The following TNXB variants were observed in gnomAD, a reference collection of about 807,000 sequenced individuals.
TNXB encodes tenascin-X.
Under a neutral mutation model 340.5 loss-of-function variants are expected in TNXB, and 183 were observed. The observed-to-expected ratio is 0.54, with a 90% CI of 0.48 to 0.61. The LOEUF (loss-of-function observed/expected upper bound fraction) is 0.61. TNXB is among the 20% of genes least tolerant of loss of function. The pLI, the probability that TNXB is intolerant of heterozygous loss-of-function variation, is 0.00. For synonymous variants in TNXB, 2,121 were observed against 2,314.5 expected (o/e 0.92, Z 2.40); for missense variants, 4,613 against 5,446.4 (o/e 0.85, Z 4.82).
intron 23 of TNXB, 24 bp from the exon 24 acceptor site, chr6:32,056,198 G>A (rs751995005): frequency 1.3e-6 from 2 of 1,599,780 alleles, no homozygotes; most frequent in East Asian, 4.5e-5. Flanking sequence ...ATATAGAGAG[G>A]ATGCCAGGTG....
intron 11 of TNXB, among the ~76,000 whole-genome samples, chr6:32,078,815 C>A (rs1433926232): frequency 6.6e-6 from 1 of 152,208 alleles, no homozygotes; most frequent in Non-Finnish European, 1.5e-5. Context: ...GTAGGTGTCC[C>A]CATTTTACGG....
At chr6:32,063,992 A>G (rs548067503) in intron 19 of TNXB, among the ~76,000 whole-genome samples, 1 of 152,322 alleles carries the variant, frequency 6.6e-6, no homozygotes, top group South Asian at 2.1e-4. Flanking sequence ...TAGAGAACAC[A>G]TACAATTTTT....
chr6:32,064,980 A>C lies in TNXB; in HGVS notation c.6682T>G (p.Phe2228Val). Residue 2228 changes from phenylalanine to valine, a missense_variant, in exon 19 of 44, where the codon TTT becomes GTT. Phe to Val is a conservative substitution (Grantham distance 50). Transcript: ENST00000644971. The surrounding 1 kb of genome is among the most constrained non-coding windows in gnomAD (Gnocchi z 5.3). Reference protein sequence around the residue: ...EGQFDHFLVQFKNGDGQPKAV... With the variant: ...EGQFDHFLVQVKNGDGQPKAV... ...TTGGGCTGCCCGTCCCCATTCTTAA[A>C]CTGGACCAAGAAATGGTCAAACTGG... The C allele has an allele frequency of 3.1e-6, 5 of 1,612,654 alleles. No individual in the cohort carries two copies. The highest frequency in any genetic ancestry group is 4.2e-6 in the Non-Finnish European group (5 of 1,179,758).
rs1777338447 is a variant in TNXB, at chr6:32,052,455, A to G, written c.9115+215T>C. Among the ~76,000 whole-genome samples, 1 of 152,074 alleles carries G rather than the reference A, an allele frequency of 6.6e-6. No individual in the cohort carries two copies. Among genetic ancestry groups the G allele is most frequent in the Admixed American group, 6.6e-5 (1 of 15,266 alleles). ...GACAAAGCGAGACTCTATCTCAAAA[A>G]AAAAAAAAAGAAAGAAAGAAAAAGA... On this transcript the variant is annotated intron_variant, in intron 26 of 43. Transcript: ENST00000644971. The surrounding 1 kb of genome is among the most constrained non-coding windows in gnomAD (Gnocchi z 4.7).
chr6:32,088,843 A>G lies in TNXB; in HGVS notation c.2721T>C (p.Thr907=), dbSNP rs1276675825. Residue 907 remains threonine, a synonymous_variant, in exon 6 of 44, where the codon ACT becomes ACC. Transcript: ENST00000644971. ...DLMPGVEYVV[T]VTAERGRAVS... is the part of the protein sequence containing the mutation. ...CTGCCCGGCCCCGCTCCGCTGTGAC[A>G]GTCACCACATATTCTACGCCTGGCA... 2.5e-6 allele frequency: 4 copies of G among 1,584,050 alleles called. No individual in the cohort carries two copies. Among genetic ancestry groups the G allele is most frequent in the African/African-American group, 1.3e-5 (1 of 74,402 alleles).
At chr6:32,076,866 C>T (rs1779108468) in intron 11 of TNXB, among the ~76,000 whole-genome samples, 1 of 151,994 alleles carries the variant, frequency 6.6e-6, no homozygotes, top group Non-Finnish European at 1.5e-5. Context: ...CCTGTAATCC[C>T]AGCTACTTGG....
At position 32,069,216 on chromosome 6, in the gene TNXB, G is replaced by A. The variant is rs1333731882; in HGVS notation, c.5588-80C>T. The stretch of plus-strand genomic sequence containing the variant: ...TCTCAGGAGGAGTGAGGGAGGAGAG[G>A]GAGTGAGGGCAAGCAGTCAGCAATC... On this transcript the variant is annotated intron_variant, in intron 15 of 43. Transcript: ENST00000644971. The surrounding 1 kb of genome is among the most constrained non-coding windows in gnomAD (Gnocchi z 6.2). 1 of 1,396,406 alleles carries A rather than the reference G, an allele frequency of 7.2e-7. No homozygotes were observed. The highest frequency in any genetic ancestry group is 2.4e-5 in the East Asian group (1 of 41,584). 86.5% of individuals were successfully genotyped at this position (1,396,406 alleles called of 1,614,324 possible). A position where few individuals can be genotyped will look rare whatever the true frequency, so the allele number is the denominator to read the frequency against.
Position 32,047,130 on chromosome 6 carries a change from G to A in TNXB, c.10324+604C>T, listed in dbSNP as rs776786594. ...GATCTGTACCCCGTCCCCACAGTGAGGGTTTGGGAAGAGAATTACGGAGTC... is the reference window on the plus strand; with the variant it reads ...GATCTGTACCCCGTCCCCACAGTGAAGGTTTGGGAAGAGAATTACGGAGTC... On this transcript the variant is annotated intron_variant, in intron 30 of 43. Transcript: ENST00000644971. This position sits in a 1 kb window ranked among gnomAD's most constrained non-coding sequence, Gnocchi z 6.2. Among the ~76,000 whole-genome samples the A allele has an allele frequency of 1.3e-5, 2 of 152,346 alleles. No individual in the cohort carries two copies. Among genetic ancestry groups the A allele is most frequent in the Admixed American group, 1.3e-4 (2 of 15,308 alleles).
intron 4 of TNXB, among the ~76,000 whole-genome samples, chr6:32,091,189 C>T (rs1333497165): frequency 7.2e-5 from 11 of 152,284 alleles, no homozygotes; most frequent in African/African-American, 2.6e-4. Context: ...CAGCTCATCG[C>T]GAGCTCCGCC....
At position 32,098,128 on chromosome 6, in the gene TNXB, C is replaced by T. The variant is rs1421166281; in HGVS notation, c.71G>A (p.Gly24Asp). The part of the protein sequence containing the change: ...LLVLLSTARA[G>D]PFSSRSNVTL... ...CACATTGGACCGTGAAGAGAAGGGG[C>T]CTGCTCTGGCTGTGCTCAGCAGCAC... The change falls in exon 2 of 44, where the codon GGC (glycine) becomes GAC (aspartate). Residue 24 changes from glycine (G) to aspartate (D), a missense_variant. Gly to Asp is a moderately conservative substitution (Grantham distance 94, BLOSUM62 -1). Around this residue, in one of 7 missense-constraint regions of TNXB, gnomAD observed 4,327 missense variants for 4,859.4 expected, o/e 0.89. Coordinates refer to ENST00000644971, the MANE Select transcript of TNXB (RefSeq NM_001365276.2). 1 of 1,592,736 alleles carries T rather than the reference C, an allele frequency of 6.3e-7. No individual in the cohort carries two copies. Among genetic ancestry groups the T allele is most frequent in the Non-Finnish European group, 8.6e-7 (1 of 1,167,578 alleles).
chr6:32,088,473 G>A (rs1008654455), intron 6 of TNXB, among the ~76,000 whole-genome samples: 2 of 152,086 alleles, frequency 1.3e-5, no homozygotes, highest in Admixed American at 6.5e-5. Flanking sequence ...GGCCTGTCCC[G>A]GTACCTAAAT....
At chr6:32,092,471 A>G (rs909600591) in intron 4 of TNXB, among the ~76,000 whole-genome samples, 2 of 152,256 alleles carry the variant, frequency 1.3e-5, no homozygotes, top group African/African-American at 4.8e-5. Flanking sequence ...ATAGGCTTCT[A>G]GGATGACAGC....
At chr6:32,101,630 A>G (rs1780729126) in intron 1 of TNXB, among the ~76,000 whole-genome samples, 1 of 146,580 alleles carries the variant, frequency 6.8e-6, no homozygotes, top group Non-Finnish European at 1.5e-5. Flanking sequence ...GGTTTCACCA[A>G]GTTGGCCAGG....
At chr6:32,071,849 G>T in intron 13 of TNXB, 141 bp downstream of exon 13, 1 of 725,762 alleles carries the variant, frequency 1.4e-6, no homozygotes, top group South Asian at 2.3e-5. Flanking sequence ...TGGGATTACA[G>T]GCATGAGTCA....
intron 25 of TNXB, 91 bp from the exon 26 acceptor site, chr6:32,053,084 T>C: frequency 7.4e-7 from 1 of 1,360,478 alleles, no homozygotes; most frequent in South Asian, 1.4e-5. Flanking sequence ...TGGCCATGAG[T>C]GGGGGTCCTG....
In TNXB at chr6:32,096,442, G is replaced by A. The variant is rs1436787945; in HGVS notation, c.1411C>T (p.Arg471Cys). The change falls in exon 3 of 44, where the codon CGT (arginine) becomes TGT (cysteine). Residue 471 changes from arginine to cysteine, a missense_variant. Coordinates refer to ENST00000644971, the MANE Select transcript of TNXB (RefSeq NM_001365276.2). ...CGVRSCPGDC[R>C]GRGRCESGRC... is the part of the protein sequence containing the mutation. ...CCACTCTCACAGCGGCCCCGGCCAC[G>A]ACAGTCCCCAGGACAGCTGCGCACA... 6.3e-7 allele frequency: 1 copy of A among 1,593,460 alleles called. No individual in the cohort carries two copies.
In TNXB at chr6:32,072,438, T is replaced by C; in HGVS notation, c.4682-140A>G. The C allele has an allele frequency of 1.5e-6, 1 of 652,298 alleles. No homozygotes were observed. The highest frequency in any genetic ancestry group is 2.4e-6 in the Non-Finnish European group (1 of 420,574). 40.4% of individuals were successfully genotyped at this position (652,298 alleles called of 1,614,324 possible). A position where few individuals can be genotyped will look rare whatever the true frequency, so the allele number is the denominator to read the frequency against. ...CCAGACCTCTAACTGAAATGCAGCA[T>C]TTCTTTCCAAAACTAATATAGAAAA... On this transcript the variant is annotated intron_variant, in intron 12 of 43. Coordinates refer to ENST00000644971, the MANE Select transcript of TNXB (RefSeq NM_001365276.2). This position sits in a 1 kb window ranked among gnomAD's most constrained non-coding sequence, Gnocchi z 4.4.
At chr6:32,054,006 T>A (rs1777474608) in intron 24 of TNXB, among the ~76,000 whole-genome samples, 2 of 150,984 alleles carry the variant, frequency 1.3e-5, no homozygotes, top group Admixed American at 6.6e-5. Flanking sequence ...TTAGCCTCCC[T>A]GCACTGGTGT....
In TNXB at chr6:32,048,617, C is replaced by T. The variant is rs369185486; in HGVS notation, c.9791G>A (p.Arg3264His). ...PLPTPLPVEP[R>H]LGELAVAAVT... ...GGCCGCCACCGCCAGCTCCCCCAGGCGGGGCTCCACCGGCAGTGGTGTGGG... is the reference window on the plus strand; with the variant it reads ...GGCCGCCACCGCCAGCTCCCCCAGGTGGGGCTCCACCGGCAGTGGTGTGGG... Residue 3264 changes from arginine to histidine, a missense_variant, in exon 29 of 44, where the codon CGC (arginine) becomes CAC (histidine). Arg to His is a conservative substitution (Grantham distance 29). Coordinates refer to ENST00000644971, the MANE Select transcript of TNXB (RefSeq NM_001365276.2). 55 of 1,517,078 alleles carry T rather than the reference C, an allele frequency of 3.6e-5. 1 individual carries two copies. The African/African-American group carries it at 6.0e-4, about 17-fold the overall frequency. The allele number at this position is 1,517,078 out of a possible 1,614,324, so 94.0% of individuals were successfully genotyped here. A position where few individuals can be genotyped will look rare whatever the true frequency, so the allele number is the denominator to read the frequency against.
Sources: allele counts gnomAD v4.1 joint callset (sites outside exome capture counted in the v4.1 genomes callset), GRCh38; gene constraint gnomAD v4.1.1; regional missense constraint gnomAD v4.1.1; non-coding constraint Gnocchi (gnomAD v3.1); transcripts MANE v1.5; gene names NCBI Gene and HGNC (gene_info 2026-07-23, HGNC 2026-07-21).